MRC2: variants seen among roughly 807,000 people sequenced by gnomAD.
The protein encoded by MRC2 is mannose receptor C-type 2.
A neutral mutation model predicts 206.2 loss-of-function variants in MRC2; 84 were observed. The ratio of observed to expected loss-of-function variants is 0.41; its 90% CI spans 0.34 to 0.49. The LOEUF is 0.49. MRC2 is among the 20% of genes least tolerant of loss of function. The pLI is 0.31. For synonymous variants in MRC2, 798 were observed against 800.0 expected (o/e 1.00, Z 0.04); for missense variants, 1,676 against 2,001.5 (o/e 0.84, Z 3.10).
intron 1 of MRC2, among the ~76,000 whole-genome samples, chr17:62,655,951 G>A (rs879382940): frequency 1.3e-5 from 2 of 151,996 alleles, no homozygotes; most frequent in African/African-American, 2.4e-5. Context: ...ATGCAGTGGC[G>A]TGATTATAGC....
intron 1 of MRC2, among the ~76,000 whole-genome samples, chr17:62,654,941 C>G (rs1028147927): frequency 7.2e-5 from 11 of 152,180 alleles, no homozygotes; most frequent in African/African-American, 2.4e-4. Flanking sequence ...GCCAGGAGTT[C>G]AAGATCAGCT....
chr17:62,643,619 C>T (rs2088437851), intron 1 of MRC2, among the ~76,000 whole-genome samples: 1 of 152,150 alleles, frequency 6.6e-6, no homozygotes, highest in African/African-American at 2.4e-5. Context: ...AAGATCTGAA[C>T]GGAGTTCACC....
chr17:62,637,619 C>G (rs2088340894), intron 1 of MRC2, among the ~76,000 whole-genome samples: 1 of 152,058 alleles, frequency 6.6e-6, no homozygotes, highest in Non-Finnish European at 1.5e-5. Flanking sequence ...CCTTACCGTT[C>G]CCATAGCTCC....
At chr17:62,644,624 G>A (rs1598969972) in intron 1 of MRC2, among the ~76,000 whole-genome samples, 2 of 152,136 alleles carry the variant, frequency 1.3e-5, no homozygotes, top group African/African-American at 2.4e-5. Context: ...AGTCAGTCAC[G>A]TGACCCCAGC....
intron 10 of MRC2, among the ~76,000 whole-genome samples, 169 bp downstream of exon 10, chr17:62,676,074 CTTG>C (rs2088888511): frequency 6.6e-6 from 1 of 152,198 alleles, no homozygotes; most frequent in Non-Finnish European, 1.5e-5. Context: ...ATGACTCTCA[CTTG>C]TTAAGTGACC....
At chr17:62,650,783 C>G (rs759464751) in intron 1 of MRC2, among the ~76,000 whole-genome samples, 7 of 152,176 alleles carry the variant, frequency 4.6e-5, no homozygotes, top group Non-Finnish European at 7.3e-5. Flanking sequence ...GACCACAGGT[C>G]CCAGTTTGCC....
At chr17:62,679,686 C>A in intron 13 of MRC2, 114 bp from the exon 14 acceptor site, 1 of 899,760 alleles carries the variant, frequency 1.1e-6, no homozygotes, top group Non-Finnish European at 1.7e-6. Flanking sequence ...GATGGAGAGG[C>A]CCCAGGCCCT....
chr17:62,647,897 G>A lies in MRC2; in HGVS notation c.119-16651G>A, dbSNP rs114223910. ...CAGCCATCCCTGCCAACTACCCAGC[G>A]GGCAGCACGAGGTACCTGCTCAGTG... On this transcript the variant is annotated intron_variant, in intron 1 of 29. Coordinates refer to ENST00000303375, the MANE Select transcript of MRC2 (RefSeq NM_006039.5). 1.5e-3 allele frequency among the ~76,000 whole-genome samples: 224 copies of A among 152,232 alleles called. 1 individual carries two copies. The highest frequency in any genetic ancestry group is 5.0e-3 in the African/African-American group (206 of 41,546).
chr17:62,658,634 T>G (rs79625657), intron 1 of MRC2, among the ~76,000 whole-genome samples: 1,795 of 152,330 alleles, frequency 0.012, 44 homozygotes, highest in African/African-American at 0.041. Flanking sequence ...AGCACACTTG[T>G]GGATTTTCTG....
chr17:62,639,318 T>C (rs549392277), intron 1 of MRC2, among the ~76,000 whole-genome samples: 2 of 149,910 alleles, frequency 1.3e-5, no homozygotes, highest in East Asian at 4.0e-4. Context: ...CACTCCAGCC[T>C]AGGCAACAGA....
rs1415719747 is a variant in MRC2 at position 62,664,882 on chromosome 17, C to T, written c.453C>T (p.Asp151=). 1 of 1,613,588 alleles carries T rather than the reference C, an allele frequency of 6.2e-7. No individual in the cohort carries two copies. Among genetic ancestry groups the T allele is most frequent in the South Asian group, 1.1e-5 (1 of 91,086 alleles). ...ISKPGTLERG[D]QTRSGQWRIY... ...AGCCTGGCACCCTTGAGCGTGGTGACCAGACCCGCAGTGGCCAGTGGCGCA... is the reference window on the plus strand; with the variant it reads ...AGCCTGGCACCCTTGAGCGTGGTGATCAGACCCGCAGTGGCCAGTGGCGCA... The change falls in exon 2 of 30, where the codon GAC becomes GAT. Residue 151 remains aspartate, a synonymous_variant. Transcript: ENST00000303375. The surrounding 1 kb of genome is among the most constrained non-coding windows in gnomAD (Gnocchi z 4.7).
chr17:62,634,858 T>C (rs2088292679), intron 1 of MRC2, among the ~76,000 whole-genome samples: 2 of 148,148 alleles, frequency 1.3e-5, no homozygotes, highest in South Asian at 2.1e-4. Flanking sequence ...TAGGACGGAG[T>C]CTCCCTCTGT....
intron 2 of MRC2, among the ~76,000 whole-genome samples, chr17:62,665,413 C>CA (rs533169133): frequency 0.12 from 13,641 of 118,130 alleles, 807 homozygotes; most frequent in South Asian, 0.23. Flanking sequence ...CCCCCCCCCA[C>CA]AAAAAAAAAA....
In MRC2 at chr17:62,652,979, C is replaced by A. The variant is rs547532400; in HGVS notation, c.119-11569C>A. Reference sequence around the variant, plus strand: ...CTCCAAGAGCAGGTGGATCTGGGAGCCCCAGATCCTGGGCACTGGGTTGGG... The same window carrying A: ...CTCCAAGAGCAGGTGGATCTGGGAGACCCAGATCCTGGGCACTGGGTTGGG... On this transcript the variant is annotated intron_variant, in intron 1 of 29. Transcript: ENST00000303375. This position sits in a 1 kb window ranked among gnomAD's most constrained non-coding sequence, Gnocchi z 4.6. Among the ~76,000 whole-genome samples, 12 of 152,116 alleles carry A rather than the reference C, an allele frequency of 7.9e-5. No homozygotes were observed. Among genetic ancestry groups the A allele is most frequent in the East Asian group, 1.9e-4 (1 of 5,132 alleles).
chr17:62,676,241 C>T, intron 10 of MRC2, 142 bp from the exon 11 acceptor site: 5 of 999,756 alleles, frequency 5.0e-6, no homozygotes, highest in Non-Finnish European at 7.2e-6. Flanking sequence ...AAATCAGCTG[C>T]AGGGCTCCCA....
chr17:62,664,655 C>A lies in MRC2; in HGVS notation c.226C>A (p.Arg76Ser), dbSNP rs748134416. 7.4e-6 allele frequency: 12 copies of A among 1,613,816 alleles called. No homozygotes were observed. Among genetic ancestry groups the A allele is most frequent in the Non-Finnish European group, 1.0e-5 (12 of 1,180,034 alleles). Residue 76 changes from arginine to serine, a missense_variant, in exon 2 of 30, where the codon CGC (arginine) becomes AGC (serine). Arg to Ser is a moderately radical substitution (Grantham distance 110, BLOSUM62 -1). Transcript: ENST00000303375. This position sits in a 1 kb window ranked among gnomAD's most constrained non-coding sequence, Gnocchi z 4.7. Reference protein sequence around the residue: ...PACNTSLPAQRWKWVSRNRLF... With the variant: ...PACNTSLPAQSWKWVSRNRLF... ...TTGCAATACCAGCCTCCCTGCCCAG[C>A]GCTGGAAGTGGGTCTCCCGAAACCG...
In MRC2 at chr17:62,680,791, C is replaced by T. The variant is rs1422799936; in HGVS notation, c.2474-9C>T. On this transcript the variant is annotated splice_polypyrimidine_tract_variant and intron_variant, in intron 16 of 29. Coordinates refer to ENST00000303375, the MANE Select transcript of MRC2 (RefSeq NM_006039.5). The surrounding 1 kb of genome is among the most constrained non-coding windows in gnomAD (Gnocchi z 4.8). ...GGCCGCCGCTCCCACGCCCGCGCTGCTCCTGCAGGCCGACGGGAATGGCTG... is the reference window on the plus strand; with the variant it reads ...GGCCGCCGCTCCCACGCCCGCGCTGTTCCTGCAGGCCGACGGGAATGGCTG... 2 of 1,604,016 alleles carry T rather than the reference C, an allele frequency of 1.2e-6. No homozygotes were observed. The highest frequency in any genetic ancestry group is 1.1e-5 in the South Asian group (1 of 89,774).
At position 62,667,469 on chromosome 17, in the gene MRC2, C is replaced by T; in HGVS notation, c.1053C>T (p.Cys351=). The T allele has an allele frequency of 6.2e-7, 1 of 1,612,664 alleles. No homozygotes were observed. Among genetic ancestry groups the T allele is most frequent in the African/African-American group, 1.3e-5 (1 of 75,016 alleles). ...ESSGGWQNRD[C]SIALPYVCKK... ...CGGGCGGCTGGCAGAACCGTGACTG[C>T]AGCATCGCGCTGCCCTATGTGTGCA... is the stretch of plus-strand genomic sequence containing the variant. Residue 351 remains cysteine, a synonymous_variant, in exon 6 of 30, where the codon TGC becomes TGT. Transcript: ENST00000303375. The surrounding 1 kb of genome is among the most constrained non-coding windows in gnomAD (Gnocchi z 4.1).
At chr17:62,658,935 G>C (rs2088649369) in intron 1 of MRC2, among the ~76,000 whole-genome samples, 1 of 152,190 alleles carries the variant, frequency 6.6e-6, no homozygotes, top group African/African-American at 2.4e-5. Context: ...GCTGAAAGGT[G>C]ACCTAGTCTG....
Sources: allele counts gnomAD v4.1 joint callset (sites outside exome capture counted in the v4.1 genomes callset), GRCh38; gene constraint gnomAD v4.1.1; non-coding constraint Gnocchi (gnomAD v3.1); transcripts MANE v1.5; gene names NCBI Gene and HGNC (gene_info 2026-07-23, HGNC 2026-07-21).